DGKB: variants seen among roughly 807,000 people sequenced by gnomAD.
The protein encoded by DGKB is diacylglycerol kinase beta, also known as 90 kDa diacylglycerol kinase.
In DGKB, 67 loss-of-function variants were observed where a neutral mutation model predicts 114.3. The observed-to-expected ratio is 0.59, with a 90% CI of 0.48 to 0.72. The LOEUF is 0.72. Among genes scored for constraint, DGKB ranks in the 30% least tolerant of loss-of-function variants. The pLI is 0.00. For synonymous variants in DGKB, 398 were observed against 323.1 expected (o/e 1.23, Z -2.49); for missense variants, 907 against 975.2 (o/e 0.93, Z 0.93).
chr7:14,616,208 T>C (rs1451125192), intron 15 of DGKB, among the ~76,000 whole-genome samples: 3 of 147,884 alleles, frequency 2.0e-5, no homozygotes, highest in African/African-American at 4.9e-5. Flanking sequence ...TATATACATA[T>C]ATATAATATA....
At chr7:14,533,519 A>C (rs939129476) in intron 20 of DGKB, among the ~76,000 whole-genome samples, 1 of 151,804 alleles carries the variant, frequency 6.6e-6, no homozygotes, top group African/African-American at 2.4e-5. Flanking sequence ...ATTTAAAAAA[A>C]TAATAGCTAA....
At chr7:14,644,293 G>A (rs1389219669) in intron 13 of DGKB, among the ~76,000 whole-genome samples, 1 of 152,182 alleles carries the variant, frequency 6.6e-6, no homozygotes, top group Non-Finnish European at 1.5e-5. Flanking sequence ...AGATATCAGT[G>A]TAGGGATGCA....
upstream of DGKB, among the ~76,000 whole-genome samples, chr7:14,907,549 G>A (rs1783774111): frequency 6.6e-6 from 1 of 152,196 alleles, no homozygotes; most frequent in East Asian, 1.9e-4. Flanking sequence ...ACATGTATAC[G>A]TGCATGAACA....
intron 25 of DGKB, among the ~76,000 whole-genome samples, chr7:14,160,360 G>T (rs769335949): frequency 6.6e-6 from 1 of 152,124 alleles, no homozygotes; most frequent in Non-Finnish European, 1.5e-5. Context: ...TGACATGATT[G>T]TATATTTAGA....
chr7:14,549,984 TA>T lies in DGKB; in HGVS notation c.1770+24227del, dbSNP rs1048935830. ...AGCCTGCTGACAGAGCTAGACTGTC[TA>T]AAAAAAAAAAACAAAAAACTTTAGC... On this transcript the variant is annotated intron_variant, in intron 20 of 25. Coordinates refer to ENST00000402815, the MANE Select transcript of DGKB (RefSeq NM_001350709.2). Among the ~76,000 whole-genome samples, 132 of 139,314 alleles carry T rather than the reference TA, an allele frequency of 9.5e-4. 1 individual carries two copies. Among genetic ancestry groups the T allele is most frequent in the Middle Eastern group, 3.7e-3 (1 of 272 alleles). The allele number at this position is 139,314 out of a possible 152,430, so 91.4% of individuals were successfully genotyped here. A position where few individuals can be genotyped will look rare whatever the true frequency, so the allele number is the denominator to read the frequency against.
intron 21 of DGKB, among the ~76,000 whole-genome samples, chr7:14,365,510 A>G (rs973562797): frequency 5.9e-5 from 9 of 152,100 alleles, no homozygotes; most frequent in African/African-American, 2.2e-4. Context: ...AGGACTTGAC[A>G]AAATAATTTC....
intron 20 of DGKB, among the ~76,000 whole-genome samples, chr7:14,513,727 ATGT>A (rs1325932707): frequency 1.1e-4 from 17 of 152,016 alleles, no homozygotes; most frequent in African/African-American, 2.9e-4. Flanking sequence ...TAGGAACTAT[ATGT>A]TGTTCATCTT....
rs1342289612 is a variant in DGKB, at chr7:14,157,082, T to A, written c.2305-7844A>T. On this transcript the variant is annotated intron_variant, in intron 25 of 25. Coordinates refer to ENST00000402815, the MANE Select transcript of DGKB (RefSeq NM_001350709.2). The stretch of plus-strand genomic sequence containing the variant: ...GCTTCATCTCTTTAAGAGTTTATTA[T>A]CACTGAATTTATTCAGCTACCTTAA... 2.6e-4 allele frequency among the ~76,000 whole-genome samples: 40 copies of A among 152,136 alleles called. 1 individual carries two copies. Among genetic ancestry groups the A allele is most frequent in the Admixed American group, 2.4e-3 (37 of 15,262 alleles).
intron 23 of DGKB, among the ~76,000 whole-genome samples, chr7:14,308,154 C>A (rs1306189179): frequency 6.6e-6 from 1 of 151,814 alleles, no homozygotes; most frequent in Non-Finnish European, 1.5e-5. Context: ...ATAAAGATAA[C>A]CCGTATAGTT....
At chr7:14,854,390 C>A (rs969545428) in intron 1 of DGKB, among the ~76,000 whole-genome samples, 2 of 152,144 alleles carry the variant, frequency 1.3e-5, no homozygotes, top group Non-Finnish European at 2.9e-5. Context: ...AGTCCCCAAC[C>A]TTTTTGGCAC....
intron 21 of DGKB, among the ~76,000 whole-genome samples, chr7:14,462,292 A>G (rs1011198273): frequency 3.3e-5 from 5 of 152,188 alleles, no homozygotes; most frequent in Admixed American, 6.6e-5. Flanking sequence ...AGGGTATTCA[A>G]ATAGGAAGAG....
At chr7:14,967,251 G>A (rs1162887062) in intron 1 of DGKB, among the ~76,000 whole-genome samples, 1 of 152,084 alleles carries the variant, frequency 6.6e-6, no homozygotes, top group Non-Finnish European at 1.5e-5. Context: ...ACATAAGAAT[G>A]CAAACAAACT....
intron 25 of DGKB, among the ~76,000 whole-genome samples, chr7:14,166,837 G>A (rs1784678720): frequency 6.6e-6 from 1 of 152,072 alleles, no homozygotes; most frequent in Admixed American, 6.5e-5. Flanking sequence ...GATAGAAAGT[G>A]CCAAGAAAAA....
At chr7:14,801,636 C>G (rs989509982) in intron 2 of DGKB, among the ~76,000 whole-genome samples, 12 of 151,972 alleles carry the variant, frequency 7.9e-5, no homozygotes, top group African/African-American at 2.9e-4. Flanking sequence ...CTCATTTTCT[C>G]TAGTCCTGGG....
chr7:14,968,678 C>A (rs555295387), intron 1 of DGKB, among the ~76,000 whole-genome samples: 1 of 152,154 alleles, frequency 6.6e-6, no homozygotes, highest in South Asian at 2.1e-4. Flanking sequence ...CATTCTTTAC[C>A]CAAAAATTCC....
intron 4 of DGKB, among the ~76,000 whole-genome samples, chr7:14,751,129 A>C (rs1465067531): frequency 6.6e-6 from 1 of 152,066 alleles, no homozygotes; most frequent in East Asian, 1.9e-4. Context: ...GCCATTTCTA[A>C]TGATGAAAAA....
chr7:14,510,522 C>A (rs746922562), intron 20 of DGKB, among the ~76,000 whole-genome samples: 2 of 152,090 alleles, frequency 1.3e-5, no homozygotes, highest in Non-Finnish European at 2.9e-5. Flanking sequence ...ATTTCTACCA[C>A]GTATGCAGTT....
chr7:14,580,077 C>G (rs1799703574), intron 19 of DGKB, among the ~76,000 whole-genome samples: 1 of 152,054 alleles, frequency 6.6e-6, no homozygotes, highest in Admixed American at 6.6e-5. Flanking sequence ...TGTTTTAAGA[C>G]CTCATCTCCA....
intron 23 of DGKB, among the ~76,000 whole-genome samples, chr7:14,311,476 C>T (rs1013885302): frequency 2.0e-5 from 3 of 152,024 alleles, no homozygotes; most frequent in South Asian, 2.1e-4. Flanking sequence ...GGTTGGAGTA[C>T]AATGACATGT....
Sources: gnomAD v4.1 joint callset for allele counts (sites outside exome capture counted in the v4.1 genomes callset) on GRCh38, gnomAD v4.1.1 for gene constraint, MANE v1.5 for transcripts, NCBI Gene and HGNC (gene_info 2026-07-23, HGNC 2026-07-21) for gene names.